The following TMC2 variants were observed in gnomAD, a reference collection of about 807,000 sequenced individuals.
TMC2 encodes the protein transmembrane channel-like protein 2.
Under a neutral mutation model 105.9 loss-of-function variants are expected in TMC2, and 102 were observed. The ratio of observed to expected loss-of-function variants is 0.96; its 90% CI spans 0.82 to 1.14. The LOEUF (loss-of-function observed/expected upper bound fraction) is 1.14. Ranked by LOEUF, TMC2 falls within the 50% of genes most tolerant of loss-of-function variation. TMC2 has a pLI of 0.00. For synonymous variants in TMC2, 402 were observed against 422.8 expected, an observed-to-expected ratio of 0.95 and a Z score of 0.60; for missense variants, 1,093 against 1,134.3, an observed-to-expected ratio of 0.96 and a Z score of 0.52.
chr20:2,580,094 AG>A (rs1368310905), intron 7 of TMC2, 38 bp downstream of exon 7: 2 of 1,328,612 alleles, frequency 1.5e-6, no homozygotes, highest in Non-Finnish European at 2.2e-6. Flanking sequence ...GATAGAGTTA[AG>A]GCTTATGACC....
chr20:2,594,255 T>G (rs990969651), intron 8 of TMC2, among the ~76,000 whole-genome samples: 1 of 143,094 alleles, frequency 7.0e-6, no homozygotes. Context: ...TGAGACAGAG[T>G]CTCCCTCTGT....
rs750496572 is a variant in TMC2 at position 2,589,270 on chromosome 20, CTGTGTGTGTG to C, written c.835-2995_835-2986del. On this transcript the variant is annotated intron_variant, in intron 7 of 19. Coordinates refer to ENST00000358864, the MANE Select transcript of TMC2 (RefSeq NM_080751.3). ...TTTTCCAGATATCTTCCTATTTGCC[CTGTGTGTGTG>C]TGTGTGTGTGTGTGTGTGTGTGTGT... 9.5e-3 allele frequency among the ~76,000 whole-genome samples: 1,110 copies of C among 116,318 alleles called. 22 individuals carry two copies. Among genetic ancestry groups the C allele is most frequent in the African/African-American group, 0.038 (986 of 25,792 alleles). The allele number at this position is 116,318 out of a possible 152,430, so 76.3% of individuals were successfully genotyped here.
intron 7 of TMC2, among the ~76,000 whole-genome samples, chr20:2,588,020 C>A (rs181719355): frequency 9.9e-5 from 15 of 151,620 alleles, no homozygotes; most frequent in South Asian, 2.1e-4. Context: ...AATCCCCCCC[C>A]CCTTTGAGTA....
rs773954477 is a variant in TMC2, at chr20:2,549,505, G to C, written c.83-8951G>C. 5.9e-5 allele frequency among the ~76,000 whole-genome samples: 9 copies of C among 152,172 alleles called. No homozygotes were observed. The East Asian group carries it at 1.7e-3, about 29-fold the overall frequency. ...CGTCTGTAATCCCAGCACTTTGGGAGGCCAAGGCGGGCGGATCACTTGAGG... is the reference window on the plus strand; with the variant it reads ...CGTCTGTAATCCCAGCACTTTGGGACGCCAAGGCGGGCGGATCACTTGAGG... On this transcript the variant is annotated intron_variant, in intron 2 of 19. Coordinates refer to ENST00000358864, the MANE Select transcript of TMC2 (RefSeq NM_080751.3).
intron 18 of TMC2, 28 bp downstream of exon 18, chr20:2,636,032 A>C (rs776246729): frequency 4.4e-6 from 7 of 1,602,020 alleles, no homozygotes; most frequent in Non-Finnish European, 3.4e-6. Flanking sequence ...TTCATCCTGG[A>C]CGGTAAAAAG....
Position 2,543,007 on chromosome 20 carries a change from T to C in TMC2, c.82+5691T>C, listed in dbSNP as rs567528196. ...ATCCCAGCACTTTGGGAGGCCAAGG[T>C]GGGCGAATCACTTGAGGTCAGGAGT... On this transcript the variant is annotated intron_variant, in intron 2 of 19. Transcript: ENST00000358864. Among the ~76,000 whole-genome samples, 27 of 152,098 alleles carry C rather than the reference T, an allele frequency of 1.8e-4. No individual in the cohort carries two copies. The East Asian group carries it at 3.1e-3, about 17-fold the overall frequency.
chr20:2,614,145 A>T (rs1463773734), intron 14 of TMC2: 1 of 152,214 alleles, frequency 6.6e-6, no homozygotes, highest in Non-Finnish European at 1.5e-5. Flanking sequence ...GAGAACGAAG[A>T]TGAAAGAACT....
At chr20:2,617,499 G>A (rs760394976) in intron 16 of TMC2, 188 bp downstream of exon 16, 11 of 757,900 alleles carry the variant, frequency 1.5e-5, no homozygotes, top group East Asian at 2.7e-5. Flanking sequence ...CTGTGTCTGC[G>A]CTGTTCATTT....
intron 2 of TMC2, among the ~76,000 whole-genome samples, chr20:2,550,793 C>T (rs192376376): frequency 6.6e-5 from 10 of 152,264 alleles, no homozygotes; most frequent in African/African-American, 2.4e-4. Context: ...TTTAAGTTTC[C>T]CTCATGTCTT....
At chr20:2,579,424 A>T (rs549402876) in intron 6 of TMC2, among the ~76,000 whole-genome samples, 197 bp downstream of exon 6, 19 of 145,420 alleles carry the variant, frequency 1.3e-4, no homozygotes, top group Non-Finnish European at 2.3e-4. Context: ...TTATTTATTT[A>T]TTTTTATTTA....
At chr20:2,537,203 C>A in intron 1 of TMC2, 66 bp from the exon 2 acceptor site, 1 of 1,451,202 alleles carries the variant, frequency 6.9e-7, no homozygotes, top group East Asian at 2.4e-5. Context: ...CCACAGTGAC[C>A]GGGGGTCTGC....
chr20:2,574,142 C>G (rs949724449), intron 5 of TMC2, among the ~76,000 whole-genome samples: 1 of 152,158 alleles, frequency 6.6e-6, no homozygotes, highest in South Asian at 2.1e-4. Context: ...AGTAAGACTT[C>G]CATTTCATTG....
At chr20:2,601,038 CA>C (rs1052118977) in intron 10 of TMC2, among the ~76,000 whole-genome samples, 4 of 143,012 alleles carry the variant, frequency 2.8e-5, no homozygotes, top group South Asian at 2.3e-4. Context: ...TAATAGTATC[CA>C]AAAAAAACCC....
At chr20:2,603,315 A>G (rs1352570701) in intron 11 of TMC2, among the ~76,000 whole-genome samples, 3 of 152,200 alleles carry the variant, frequency 2.0e-5, no homozygotes, top group African/African-American at 7.2e-5. Flanking sequence ...AGCAATTTAA[A>G]AAAAGAAGAC....
At chr20:2,577,811 C>T (rs1287701495) in intron 5 of TMC2, among the ~76,000 whole-genome samples, 2 of 152,082 alleles carry the variant, frequency 1.3e-5, no homozygotes, top group Non-Finnish European at 2.9e-5. Flanking sequence ...AGGAAGATCA[C>T]TTGAGCCCAG....
chr20:2,622,229 G>A (rs2086530413), intron 16 of TMC2, among the ~76,000 whole-genome samples: 1 of 152,188 alleles, frequency 6.6e-6, no homozygotes, highest in South Asian at 2.1e-4. Flanking sequence ...GAGCATGGCT[G>A]TGTTCCAATA....
intron 13 of TMC2, among the ~76,000 whole-genome samples, chr20:2,612,818 G>A (rs771637164): frequency 6.6e-6 from 1 of 152,230 alleles, no homozygotes; most frequent in Non-Finnish European, 1.5e-5. Context: ...TTCAGAATAA[G>A]TGGGGAAGCA....
intron 4 of TMC2, among the ~76,000 whole-genome samples, chr20:2,571,240 A>T (rs6114990): frequency 0.12 from 18,879 of 152,230 alleles, 1,431 homozygotes; most frequent in African/African-American, 0.21. Context: ...AAATATTCTC[A>T]AACTATGCAT....
chr20:2,588,169 T>C (rs1289452152), intron 7 of TMC2, among the ~76,000 whole-genome samples: 9 of 152,114 alleles, frequency 5.9e-5, no homozygotes, highest in Non-Finnish European at 1.2e-4. Context: ...ATGGGAAGGA[T>C]TGAACACACC....
Sources: allele counts gnomAD v4.1 joint callset (sites outside exome capture counted in the v4.1 genomes callset), GRCh38; gene constraint gnomAD v4.1.1; transcripts MANE v1.5; gene names NCBI Gene and HGNC (gene_info 2026-07-23, HGNC 2026-07-21).